PITPNM3: variants seen among roughly 807,000 people sequenced by gnomAD.
The protein encoded by PITPNM3 is PITPNM family member 3, also known as membrane-associated phosphatidylinositol transfer protein 3.
PITPNM3 carries 26 observed loss-of-function variants against 102.0 expected under a neutral mutation model. The ratio of observed to expected loss-of-function variants is 0.25; its 90% CI spans 0.19 to 0.35. The LOEUF is 0.35. PITPNM3 is among the 10% of genes least tolerant of loss of function. The pLI, the probability that PITPNM3 is intolerant of heterozygous loss-of-function variation, is 1.00. For missense variants in PITPNM3, 1,083 were observed against 1,346.1 expected, an observed-to-expected ratio of 0.80 and a Z score of 3.06; for synonymous variants, 578 against 558.6, an observed-to-expected ratio of 1.03 and a Z score of -0.49.
intron 2 of PITPNM3, among the ~76,000 whole-genome samples, chr17:6,536,157 G>A (rs1909415745): frequency 1.3e-5 from 2 of 152,148 alleles, no homozygotes; most frequent in South Asian, 2.1e-4. Flanking sequence ...AAGTGGGGCC[G>A]ATTTCACGGC....
At chr17:6,546,463 C>T (rs1910023680) in intron 1 of PITPNM3, among the ~76,000 whole-genome samples, 1 of 152,226 alleles carries the variant, frequency 6.6e-6, no homozygotes, top group Non-Finnish European at 1.5e-5. Flanking sequence ...CTAGCCGTGG[C>T]CCAAACCTCA....
chr17:6,463,788 G>A lies in PITPNM3; in HGVS notation c.2250C>T (p.Ser750=), dbSNP rs779573702. The change falls in exon 17 of 20, where the codon AGC becomes AGT. Residue 750 remains serine (S), a synonymous_variant. Transcript: ENST00000262483. ...TGGGGTCGCTTCCCATGATAGACAC[G>A]CTGGCCGCGAAGGACCCATCAATGC... ...VFSIDGSFAA[S]VSIMGSDPKV... 18 of 1,612,898 alleles carry A rather than the reference G, an allele frequency of 1.1e-5. No homozygotes were observed. In the East Asian group the frequency reaches 1.3e-4, roughly 12 times the overall value.
chr17:6,486,266 G>T (rs1906086821), intron 4 of PITPNM3, among the ~76,000 whole-genome samples: 1 of 152,152 alleles, frequency 6.6e-6, no homozygotes, highest in Non-Finnish European at 1.5e-5. Flanking sequence ...GGAGGAACTG[G>T]CTCATCTCTT....
chr17:6,495,219 G>A (rs118009463), intron 4 of PITPNM3, among the ~76,000 whole-genome samples: 1 of 151,770 alleles, frequency 6.6e-6, no homozygotes, highest in Non-Finnish European at 1.5e-5. Flanking sequence ...CCATGTATAT[G>A]TGCTACCTAC....
intron 4 of PITPNM3, among the ~76,000 whole-genome samples, chr17:6,501,861 A>G (rs1907199850): frequency 6.6e-6 from 1 of 152,158 alleles, no homozygotes; most frequent in Non-Finnish European, 1.5e-5. Flanking sequence ...GAATGGCCCC[A>G]TCTCTCAAAA....
chr17:6,454,872 A>G lies in PITPNM3; in HGVS notation c.*466T>C, dbSNP rs1914013822. ...ACCCCAAAATGGTGACCCAAACCAC[A>G]GGAAGGGCGGGCACAAATGCCACTC... On this transcript the variant is annotated 3_prime_UTR_variant, in exon 20 of 20. Transcript: ENST00000262483. 1.2e-5 allele frequency: 2 copies of G among 168,614 alleles called. No homozygotes were observed. Among genetic ancestry groups the G allele is most frequent in the African/African-American group, 2.4e-5 (1 of 42,010 alleles). 10.4% of individuals were successfully genotyped at this position (168,614 alleles called of 1,614,324 possible).
rs1905434488 is a variant in PITPNM3, at chr17:6,478,204, C to T, written c.778-107G>A. 1.3e-6 allele frequency: 2 copies of T among 1,560,964 alleles called. No homozygotes were observed. Among genetic ancestry groups the T allele is most frequent in the South Asian group, 2.3e-5 (2 of 87,248 alleles). ...CCCACAGGAGAATGAGAAACTCGTCCTTGGGAGGTGTTGAGAGAGCCCAAC... is the reference window on the plus strand; with the variant it reads ...CCCACAGGAGAATGAGAAACTCGTCTTTGGGAGGTGTTGAGAGAGCCCAAC... On this transcript the variant is annotated intron_variant, in intron 7 of 19. Coordinates refer to ENST00000262483, the MANE Select transcript of PITPNM3 (RefSeq NM_031220.4). The surrounding 1 kb of genome is among the most constrained non-coding windows in gnomAD (Gnocchi z 4.4).
rs77238665 is a variant in PITPNM3 at position 6,476,525 on chromosome 17, G to C, written c.1085+504C>G. ...CCATAAACAAAAGTGTGTTGGATTA[G>C]ATACATGAACTTGGGATAGGGAGAC... On this transcript the variant is annotated intron_variant, in intron 9 of 19. Coordinates refer to ENST00000262483, the MANE Select transcript of PITPNM3 (RefSeq NM_031220.4). 1.1e-4 allele frequency among the ~76,000 whole-genome samples: 17 copies of C among 152,334 alleles called. No homozygotes were observed. In the East Asian group the frequency reaches 3.3e-3, roughly 29 times the overall value.
At chr17:6,536,541 G>C (rs1474205701) in intron 2 of PITPNM3, among the ~76,000 whole-genome samples, 1 of 152,142 alleles carries the variant, frequency 6.6e-6, no homozygotes, top group African/African-American at 2.4e-5. Context: ...TCCCCGCCCA[G>C]AGCCAAGAAT....
chr17:6,540,876 C>T (rs1331300133), intron 1 of PITPNM3, among the ~76,000 whole-genome samples: 1 of 152,182 alleles, frequency 6.6e-6, no homozygotes, highest in East Asian at 1.9e-4. Context: ...CTAGGCTAGT[C>T]TCGAACTCCT....
chr17:6,451,846 T>G lies in PITPNM3; in HGVS notation c.*3492A>C, dbSNP rs1212570805. On this transcript the variant is annotated 3_prime_UTR_variant, in exon 20 of 20. Transcript: ENST00000262483. The stretch of plus-strand genomic sequence containing the variant: ...TTCTTTTGGCTGAGCCAAAAGACAA[T>G]AGGTTTCCAGGGCACTTGGCACCCA... 7.1e-6 allele frequency: 1 copy of G among 141,590 alleles called. No homozygotes were observed. Among genetic ancestry groups the G allele is most frequent in the Non-Finnish European group, 1.5e-5 (1 of 66,348 alleles). 8.8% of individuals were successfully genotyped at this position (141,590 alleles called of 1,614,324 possible). A position where few individuals can be genotyped will look rare whatever the true frequency, so the allele number is the denominator to read the frequency against.
chr17:6,474,222 C>T (rs192337681), intron 10 of PITPNM3, among the ~76,000 whole-genome samples: 13 of 152,240 alleles, frequency 8.5e-5, no homozygotes, highest in Non-Finnish European at 1.5e-4. Context: ...TGAAATCCAT[C>T]TGAAGCTGCC....
intron 1 of PITPNM3, among the ~76,000 whole-genome samples, chr17:6,551,546 C>T (rs1045735249): frequency 6.6e-6 from 1 of 151,940 alleles, no homozygotes. Context: ...CAGAGTCATG[C>T]CTCAAATCCT....
intron 3 of PITPNM3, among the ~76,000 whole-genome samples, chr17:6,506,475 G>A (rs563916454): frequency 5.9e-5 from 9 of 151,322 alleles, no homozygotes; most frequent in African/African-American, 1.2e-4. Context: ...AGGTTCAAGC[G>A]ATTCTCCTGC....
At chr17:6,542,632 T>C (rs138664488) in intron 1 of PITPNM3, among the ~76,000 whole-genome samples, 24 of 152,328 alleles carry the variant, frequency 1.6e-4, no homozygotes, top group Non-Finnish European at 3.1e-4. Flanking sequence ...AGCATCATAA[T>C]ACTTACCCCA....
chr17:6,468,172 C>T lies in PITPNM3; in HGVS notation c.1890+53G>A. 1 of 1,570,584 alleles carries T rather than the reference C, an allele frequency of 6.4e-7. No homozygotes were observed. Among genetic ancestry groups the T allele is most frequent in the Non-Finnish European group, 8.7e-7 (1 of 1,143,322 alleles). The stretch of plus-strand genomic sequence containing the variant: ...GGATGCCCCAGCCCCCGGGCCAGCC[C>T]CACCTCCCGGAGGACACAGTCCCAG... On this transcript the variant is annotated intron_variant, in intron 14 of 19. Transcript: ENST00000262483. This position sits in a 1 kb window ranked among gnomAD's most constrained non-coding sequence, Gnocchi z 5.2.
chr17:6,508,738 C>A (rs1052249576), intron 3 of PITPNM3, among the ~76,000 whole-genome samples: 1 of 152,148 alleles, frequency 6.6e-6, no homozygotes, highest in Admixed American at 6.5e-5. Context: ...GTTCCCAGGG[C>A]TGGTGAGGCC....
intron 2 of PITPNM3, among the ~76,000 whole-genome samples, chr17:6,536,857 G>A (rs928141400): frequency 6.6e-6 from 1 of 152,198 alleles, no homozygotes; most frequent in Non-Finnish European, 1.5e-5. Context: ...CCAGAGTGGG[G>A]CCACGCAGGC....
chr17:6,464,859 G>A (rs1020188563), intron 14 of PITPNM3, 88 bp from the exon 15 acceptor site: 20 of 1,228,806 alleles, frequency 1.6e-5, no homozygotes, highest in Non-Finnish European at 2.3e-5. Context: ...ACTGGCTGGA[G>A]GCATATCAGC....
Sources: gnomAD v4.1 joint callset for allele counts (sites outside exome capture counted in the v4.1 genomes callset) on GRCh38, gnomAD v4.1.1 for gene constraint, Gnocchi (gnomAD v3.1) non-coding constraint, MANE v1.5 for transcripts, NCBI Gene and HGNC (gene_info 2026-07-23, HGNC 2026-07-21) for gene names.